SPAG16: variants seen among roughly 807,000 people sequenced by gnomAD.
SPAG16 encodes sperm associated antigen 16.
SPAG16 carries 86 observed loss-of-function variants against 80.4 expected under a neutral mutation model. That is an observed-to-expected ratio of 1.07 (90% confidence interval 0.90 to 1.28). The LOEUF (loss-of-function observed/expected upper bound fraction) is 1.28. SPAG16 is among the 50% of genes most tolerant of loss of function. The probability of loss-of-function intolerance (pLI) is 0.00; values close to 1 mark genes in which losing one functional copy is unlikely to be tolerated. For missense variants in SPAG16, 870 were observed against 765.3 expected (o/e 1.14, Z -1.61); for synonymous variants, 294 against 265.9 (o/e 1.11, Z -1.03).
At chr2:213,862,988 T>G (rs2075542087) in intron 11 of SPAG16, among the ~76,000 whole-genome samples, 1 of 152,332 alleles carries the variant, frequency 6.6e-6, no homozygotes, top group South Asian at 2.1e-4. Flanking sequence ...GGAGTTTTCC[T>G]TTTAGAATTA....
intron 12 of SPAG16, among the ~76,000 whole-genome samples, chr2:213,990,340 C>G (rs2046216286): frequency 6.6e-6 from 1 of 152,104 alleles, no homozygotes; most frequent in African/African-American, 2.4e-5. Flanking sequence ...TTTTGCAATA[C>G]ACGTGATTCT....
intron 11 of SPAG16, among the ~76,000 whole-genome samples, chr2:213,906,696 C>A (rs953464033): frequency 6.6e-6 from 1 of 152,042 alleles, no homozygotes; most frequent in Non-Finnish European, 1.5e-5. Context: ...GCTTAGAGAG[C>A]CTGGAAATTA....
At chr2:214,035,735 A>G (rs1476681239) in intron 13 of SPAG16, among the ~76,000 whole-genome samples, 2 of 152,190 alleles carry the variant, frequency 1.3e-5, no homozygotes, top group Non-Finnish European at 2.9e-5. Context: ...GGGTGGCTGT[A>G]ACTGTGCTCT....
intron 10 of SPAG16, among the ~76,000 whole-genome samples, chr2:213,637,026 T>C (rs2062388524): frequency 2.0e-5 from 3 of 152,186 alleles, no homozygotes; most frequent in African/African-American, 7.2e-5. Flanking sequence ...ATCCTTGTCA[T>C]GTTCCAGTTC....
At chr2:213,463,380 A>G (rs576622590) in intron 9 of SPAG16, among the ~76,000 whole-genome samples, 1 of 152,244 alleles carries the variant, frequency 6.6e-6, no homozygotes, top group Non-Finnish European at 1.5e-5. Context: ...CAATGGAGAA[A>G]ACATCCTCAG....
chr2:213,616,808 T>C (rs144780963), intron 10 of SPAG16, among the ~76,000 whole-genome samples: 133 of 152,300 alleles, frequency 8.7e-4, no homozygotes, highest in Non-Finnish European at 1.3e-3. Context: ...TCTGTCTGCA[T>C]AGGGTACTCT....
chr2:213,688,392 A>G (rs761902615), intron 10 of SPAG16, among the ~76,000 whole-genome samples: 1 of 152,260 alleles, frequency 6.6e-6, no homozygotes, highest in South Asian at 2.1e-4. Context: ...GATTCTTTAC[A>G]TATGCAAATT....
chr2:214,334,612 C>A (rs1697150134), intron 15 of SPAG16, among the ~76,000 whole-genome samples: 1 of 152,182 alleles, frequency 6.6e-6, no homozygotes, highest in Non-Finnish European at 1.5e-5. Context: ...TGATTAGTTA[C>A]CCTCAGCCTT....
chr2:213,383,003 AT>A (rs975233343), intron 9 of SPAG16, among the ~76,000 whole-genome samples: 5 of 152,086 alleles, frequency 3.3e-5, no homozygotes, highest in Non-Finnish European at 5.9e-5. Flanking sequence ...AGTAGAGGGT[AT>A]TTTTATCTGC....
intron 14 of SPAG16, among the ~76,000 whole-genome samples, chr2:214,120,045 T>G (rs1214335523): frequency 1.3e-5 from 2 of 151,990 alleles, no homozygotes; most frequent in Non-Finnish European, 2.9e-5. Flanking sequence ...ACTTGATGTG[T>G]CTTCTCAATA....
intron 10 of SPAG16, among the ~76,000 whole-genome samples, chr2:213,692,413 A>T (rs1226781801): frequency 6.6e-6 from 1 of 152,196 alleles, no homozygotes; most frequent in Non-Finnish European, 1.5e-5. Context: ...CATAAAATAT[A>T]TTAAGAAAAA....
intron 5 of SPAG16, 180 bp downstream of exon 5, chr2:213,317,536 C>T (rs1352642469): frequency 1.6e-6 from 2 of 1,274,758 alleles, no homozygotes; most frequent in Admixed American, 7.0e-5. Context: ...AGAACTATCA[C>T]AATTATAACT....
At chr2:213,631,541 C>T (rs1019851617) in intron 10 of SPAG16, among the ~76,000 whole-genome samples, 1 of 152,016 alleles carries the variant, frequency 6.6e-6, no homozygotes, top group Non-Finnish European at 1.5e-5. Context: ...GGGTGAAATT[C>T]CCCCTTGCTG....
chr2:213,370,046 C>T (rs193159663), intron 8 of SPAG16, among the ~76,000 whole-genome samples: 13 of 152,280 alleles, frequency 8.5e-5, no homozygotes, highest in African/African-American at 2.6e-4. Context: ...TTGTGCTTTG[C>T]GTATTCATCC....
intron 10 of SPAG16, among the ~76,000 whole-genome samples, chr2:213,800,324 C>T (rs1198961071): frequency 7.1e-6 from 1 of 140,736 alleles, no homozygotes; most frequent in African/African-American, 2.6e-5. Context: ...CCCTCCCTCC[C>T]TCCCTCCCTC....
intron 14 of SPAG16, among the ~76,000 whole-genome samples, chr2:214,126,221 C>T (rs1442361053): frequency 6.6e-6 from 1 of 151,058 alleles, no homozygotes; most frequent in East Asian, 1.9e-4. Flanking sequence ...GATTGAGCTT[C>T]CTAGGTTTTA....
At chr2:213,476,901 G>T (rs565345611) in intron 9 of SPAG16, among the ~76,000 whole-genome samples, 1 of 152,276 alleles carries the variant, frequency 6.6e-6, no homozygotes, top group South Asian at 2.1e-4. Context: ...AAAGGAATAA[G>T]GTATGTGGAC....
chr2:213,769,933 A>G (rs1163094565), intron 10 of SPAG16, among the ~76,000 whole-genome samples: 2 of 152,216 alleles, frequency 1.3e-5, no homozygotes, highest in Non-Finnish European at 2.9e-5. Context: ...AGCAACCAGC[A>G]TCTGATTTTT....
In SPAG16 at chr2:214,360,636, C is replaced by T. The variant is rs1037995904; in HGVS notation, c.1721-49504C>T. Among the ~76,000 whole-genome samples, 16 of 151,944 alleles carry T rather than the reference C, an allele frequency of 1.1e-4. No individual in the cohort carries two copies. In the Middle Eastern group the frequency reaches 0.014, roughly 129 times the overall value. Reference sequence around the variant, plus strand: ...CAAAACTTTTCAAAATAGATGAAATCACTTTAGTATAATAGTGTTGCTACA... The same window carrying T: ...CAAAACTTTTCAAAATAGATGAAATTACTTTAGTATAATAGTGTTGCTACA... On this transcript the variant is annotated intron_variant, in intron 15 of 15. Transcript: ENST00000331683.
Sources: allele counts gnomAD v4.1 joint callset (sites outside exome capture counted in the v4.1 genomes callset), GRCh38; gene constraint gnomAD v4.1.1; transcripts MANE v1.5; gene names NCBI Gene and HGNC (gene_info 2026-07-23, HGNC 2026-07-21).